Variants in EVI5 observed in about 807,000 individuals in gnomAD.
The protein encoded by EVI5 is ecotropic viral integration site 5 protein homolog.
In EVI5, 73 loss-of-function variants were observed where a neutral mutation model predicts 112.0. That is an observed-to-expected ratio of 0.65 (90% CI 0.54 to 0.79). The LOEUF (loss-of-function observed/expected upper bound fraction) is 0.79, where lower values mean the gene tolerates loss of function less well. EVI5 is among the 30% of genes least tolerant of loss of function. The pLI is 0.00. For synonymous variants in EVI5, 305 were observed against 319.9 expected (o/e 0.95, Z 0.50); for missense variants, 900 against 968.8 (o/e 0.93, Z 0.94).
chr1:92,677,221 A>G lies in EVI5; in HGVS notation c.1098-3T>C. On this transcript the variant is annotated splice_region_variant and splice_polypyrimidine_tract_variant and intron_variant, in intron 9 of 19. Coordinates refer to ENST00000684568, the MANE Select transcript of EVI5 (RefSeq NM_001350197.2). ...TTGTAGTGTATTCCTTTTCAAGCCT[A>G]AGAAAGGAAAAAAAAAGAGTTAAAG... The G allele has an allele frequency of 6.6e-7, 1 of 1,515,854 alleles. No individual in the cohort carries two copies. Among genetic ancestry groups the G allele is most frequent in the Middle Eastern group, 1.7e-4 (1 of 5,862 alleles). 93.9% of individuals were successfully genotyped at this position (1,515,854 alleles called of 1,614,324 possible). A position where few individuals can be genotyped will look rare whatever the true frequency, so the allele number is the denominator to read the frequency against.
At chr1:92,628,262 C>T (rs1656127610) in intron 14 of EVI5, among the ~76,000 whole-genome samples, 1 of 152,186 alleles carries the variant, frequency 6.6e-6, no homozygotes, top group African/African-American at 2.4e-5. Flanking sequence ...AAGATTTTCT[C>T]CCACTCTGTG....
At chr1:92,589,769 G>A (rs527633652) in intron 18 of EVI5, among the ~76,000 whole-genome samples, 15 of 152,264 alleles carry the variant, frequency 9.9e-5, no homozygotes, top group Admixed American at 2.6e-4. Flanking sequence ...AGAGAGTAGC[G>A]GTTCTCCCAG....
chr1:92,694,430 T>G (rs1244329334), intron 7 of EVI5, 42 bp from the exon 8 acceptor site: 1 of 1,155,334 alleles, frequency 8.7e-7, no homozygotes, highest in Non-Finnish European at 1.3e-6. Context: ...ATGTTACTCT[T>G]CCATCAACAA....
intron 13 of EVI5, among the ~76,000 whole-genome samples, chr1:92,642,084 C>T (rs10782938): frequency 0.92 from 140,220 of 152,158 alleles, 64,692 homozygotes; most frequent in East Asian, 0.97. Flanking sequence ...TGAGCCAAGA[C>T]TGTGCCACTG....
chr1:92,663,009 A>AGCTAGCAG (rs1664288314), intron 12 of EVI5, 144 bp from the exon 13 acceptor site: 1 of 335,150 alleles, frequency 3.0e-6, no homozygotes, highest in South Asian at 4.9e-5. Flanking sequence ...CGTAATCATT[A>AGCTAGCAG]GCTAGCAGCT....
chr1:92,777,433 T>G (rs1209132023), intron 1 of EVI5, among the ~76,000 whole-genome samples: 1 of 152,136 alleles, frequency 6.6e-6, no homozygotes, highest in Non-Finnish European at 1.5e-5. Flanking sequence ...TTAGAGAAGG[T>G]ATCAAATAGC....
intron 1 of EVI5, among the ~76,000 whole-genome samples, chr1:92,747,931 C>A (rs1034206314): frequency 3.3e-5 from 5 of 152,034 alleles, no homozygotes; most frequent in African/African-American, 1.2e-4. Context: ...TGGATCTCAG[C>A]CTCCATGATC....
chr1:92,653,310 G>A (rs1049193889), intron 13 of EVI5, among the ~76,000 whole-genome samples: 1 of 152,182 alleles, frequency 6.6e-6, no homozygotes, highest in African/African-American at 2.4e-5. Flanking sequence ...CTGCCCCGAA[G>A]AGAAGAACAA....
At chr1:92,691,327 TG>T (rs1358942673) in intron 9 of EVI5, among the ~76,000 whole-genome samples, 2 of 152,036 alleles carry the variant, frequency 1.3e-5, no homozygotes, top group African/African-American at 2.4e-5. Context: ...AGCTTTACTT[TG>T]AAAAAAATAA....
chr1:92,681,938 A>G (rs1188353934), intron 9 of EVI5, among the ~76,000 whole-genome samples: 5 of 151,672 alleles, frequency 3.3e-5, no homozygotes, highest in Admixed American at 2.0e-4. Flanking sequence ...TGCTCACCAC[A>G]CTCCTATTTG....
At chr1:92,681,875 T>C (rs1572267882) in intron 9 of EVI5, among the ~76,000 whole-genome samples, 1 of 152,338 alleles carries the variant, frequency 6.6e-6, no homozygotes, top group East Asian at 1.9e-4. Context: ...GCTACCACAG[T>C]AGATGGCATT....
intron 19 of EVI5, among the ~76,000 whole-genome samples, chr1:92,521,530 A>C (rs2101726012): frequency 6.6e-6 from 1 of 152,164 alleles, no homozygotes; most frequent in Non-Finnish European, 1.5e-5. Context: ...GTCTCTACTA[A>C]AAATACAAAA....
At chr1:92,606,196 C>G (rs944748728) in intron 17 of EVI5, among the ~76,000 whole-genome samples, 1 of 152,174 alleles carries the variant, frequency 6.6e-6, no homozygotes, top group Non-Finnish European at 1.5e-5. Flanking sequence ...TATTCTAAAT[C>G]TGAGCCCATT....
At chr1:92,570,300 T>TTA (rs1670140516) in intron 18 of EVI5, among the ~76,000 whole-genome samples, 1 of 151,580 alleles carries the variant, frequency 6.6e-6, no homozygotes, top group Non-Finnish European at 1.5e-5. Flanking sequence ...TTTTAGGTGT[T>TTA]TTTTTTTTTT....
At chr1:92,714,098 T>G in intron 2 of EVI5, 1 of 980,418 alleles carries the variant, frequency 1.0e-6, no homozygotes, top group Non-Finnish European at 1.2e-6. Context: ...GATTTCAACT[T>G]TAAAGCTATC....
intron 16 of EVI5, among the ~76,000 whole-genome samples, chr1:92,613,276 T>A (rs1414408034): frequency 1.3e-5 from 2 of 152,152 alleles, no homozygotes; most frequent in Non-Finnish European, 2.9e-5. Context: ...AGCCTAAGAC[T>A]GAATTTATTT....
intron 1 of EVI5, among the ~76,000 whole-genome samples, chr1:92,783,939 CCAG>C (rs1363538968): frequency 1.3e-5 from 2 of 151,950 alleles, no homozygotes; most frequent in African/African-American, 4.8e-5. Flanking sequence ...TTAAAAACTA[CCAG>C]CAGATCACTT....
chr1:92,518,671 G>A (rs1660374780), intron 19 of EVI5, among the ~76,000 whole-genome samples: 1 of 141,568 alleles, frequency 7.1e-6, no homozygotes, highest in Admixed American at 7.1e-5. Context: ...AAAAAAAAGA[G>A]GTCTTAGACG....
At chr1:92,789,712 T>A (rs1263306119), upstream of EVI5, among the ~76,000 whole-genome samples, 1 of 152,174 alleles carries the variant, frequency 6.6e-6, no homozygotes, top group Non-Finnish European at 1.5e-5. Context: ...GGGGAACCCC[T>A]CTAAACTTGG....
Sources: gnomAD v4.1 joint callset for allele counts (sites outside exome capture counted in the v4.1 genomes callset) on GRCh38, gnomAD v4.1.1 for gene constraint, MANE v1.5 for transcripts, NCBI Gene and HGNC (gene_info 2026-07-23, HGNC 2026-07-21) for gene names.